Variants in FOXN3 observed in about 807,000 individuals in gnomAD.
The protein encoded by FOXN3 is forkhead box N3.
FOXN3 carries 7 observed loss-of-function variants against 38.4 expected under a neutral mutation model. The observed-to-expected ratio is 0.18, with a 90% CI of 0.10 to 0.34. FOXN3 has a LOEUF of 0.34. FOXN3 is among the 10% of genes least tolerant of loss of function. FOXN3 has a pLI of 1.00. For missense variants in FOXN3, 456 were observed against 613.4 expected, an observed-to-expected ratio of 0.74 and a Z score of 2.71; for synonymous variants, 230 against 242.2, an observed-to-expected ratio of 0.95 and a Z score of 0.47.
At chr14:89,309,936 C>T (rs1343644442) in intron 3 of FOXN3, among the ~76,000 whole-genome samples, 1 of 152,234 alleles carries the variant, frequency 6.6e-6, no homozygotes, top group Non-Finnish European at 1.5e-5. Flanking sequence ...TCTCTAAAAA[C>T]AGGTCTGTAT....
intron 3 of FOXN3, among the ~76,000 whole-genome samples, chr14:89,284,187 A>AT (rs1403029707): frequency 6.6e-6 from 1 of 151,216 alleles, no homozygotes; most frequent in Non-Finnish European, 1.5e-5. Context: ...TTTTTTTTTA[A>AT]TTTTTTTAAA....
At chr14:89,204,052 TACACACACACAC>T (rs10559428) in intron 4 of FOXN3, among the ~76,000 whole-genome samples, 15,635 of 133,696 alleles carry the variant, frequency 0.12, 929 homozygotes, top group Middle Eastern at 0.17. Flanking sequence ...CATACTCCCT[TACACACACACAC>T]ACACACACAC....
chr14:89,277,745 A>T (rs939859193), intron 4 of FOXN3, among the ~76,000 whole-genome samples: 1 of 152,180 alleles, frequency 6.6e-6, no homozygotes, highest in Non-Finnish European at 1.5e-5. Flanking sequence ...CCCCGCTCTA[A>T]CTATTAGGTC....
chr14:89,580,953 T>C (rs1017655194), intron 1 of FOXN3, among the ~76,000 whole-genome samples: 1 of 151,314 alleles, frequency 6.6e-6, no homozygotes, highest in African/African-American at 2.4e-5. Context: ...GAGGCCGAGG[T>C]AGGAGGATCA....
intron 1 of FOXN3, among the ~76,000 whole-genome samples, chr14:89,590,909 C>G (rs1202483770): frequency 6.6e-6 from 1 of 152,164 alleles, no homozygotes; most frequent in African/African-American, 2.4e-5. Context: ...CTCAGAGAGG[C>G]CAGGAAGAAT....
At chr14:89,192,561 C>T (rs994324402) in intron 4 of FOXN3, among the ~76,000 whole-genome samples, 2 of 137,642 alleles carry the variant, frequency 1.5e-5, no homozygotes, top group African/African-American at 5.2e-5. Flanking sequence ...ATGAATTATA[C>T]AATATATAAC....
chr14:89,313,298 G>C (rs1887619878), intron 3 of FOXN3, among the ~76,000 whole-genome samples: 1 of 152,340 alleles, frequency 6.6e-6, no homozygotes, highest in Non-Finnish European at 1.5e-5. Context: ...GGGCGCAGCG[G>C]CTCACACCTG....
rs866265964 is a variant in FOXN3 at position 89,364,045 on chromosome 14, G to T, written c.544-13237C>A. Among the ~76,000 whole-genome samples the T allele has an allele frequency of 2.9e-4, 41 of 143,346 alleles. No homozygotes were observed. In the Middle Eastern group the frequency reaches 0.018, roughly 63 times the overall value. 94.0% of individuals were successfully genotyped at this position (143,346 alleles called of 152,430 possible). A position where few individuals can be genotyped will look rare whatever the true frequency, so the allele number is the denominator to read the frequency against. On this transcript the variant is annotated intron_variant, in intron 2 of 5. Coordinates refer to ENST00000557258, the MANE Select transcript of FOXN3 (RefSeq NM_005197.4). The stretch of plus-strand genomic sequence containing the variant: ...TTTAGCAAGTGACTGATTCCTGAAG[G>T]CCCTTCATTTTCTAAAATTCTATCA...
At chr14:89,405,870 G>C (rs1207591064) in intron 2 of FOXN3, among the ~76,000 whole-genome samples, 2 of 152,152 alleles carry the variant, frequency 1.3e-5, no homozygotes, top group African/African-American at 4.8e-5. Flanking sequence ...GCCTAGGCAA[G>C]CACCAGGGGT....
chr14:89,446,087 CAAAAAAAAAAAA>C lies in FOXN3; in HGVS notation c.-14-33609_-14-33598del, dbSNP rs576883864. On this transcript the variant is annotated intron_variant, in intron 1 of 6. Transcript: ENST00000345097. ...TGGGTAACAGAGCGAGACCCTGCCT[CAAAAAAAAAAAA>C]AAAAAAAAAAAATTTTAAGGAAGAG... Among the ~76,000 whole-genome samples, 267 of 40,124 alleles carry C rather than the reference CAAAAAAAAAAAA, an allele frequency of 6.7e-3. 11 individuals are homozygous for C. Among genetic ancestry groups the C allele is most frequent in the African/African-American group, 0.022 (254 of 11,766 alleles). 26.3% of individuals were successfully genotyped at this position (40,124 alleles called of 152,430 possible).
chr14:89,603,866 C>A (rs547434684), intron 1 of FOXN3, among the ~76,000 whole-genome samples: 3 of 152,206 alleles, frequency 2.0e-5, no homozygotes, highest in African/African-American at 7.2e-5. Flanking sequence ...GTGACATTTA[C>A]AAAGGCCCAC....
intron 1 of FOXN3, among the ~76,000 whole-genome samples, chr14:89,587,398 C>G (rs1895860935): frequency 6.6e-6 from 1 of 152,194 alleles, no homozygotes; most frequent in Non-Finnish European, 1.5e-5. Flanking sequence ...TTTGCAAATT[C>G]AAATGCCCAC....
intron 1 of FOXN3, among the ~76,000 whole-genome samples, chr14:89,413,249 G>A (rs574887333): frequency 2.6e-5 from 4 of 152,122 alleles, no homozygotes; most frequent in Non-Finnish European, 4.4e-5. Flanking sequence ...CCCACTCTCC[G>A]TAGCGCTAAA....
chr14:89,230,329 G>A (rs936190179), intron 4 of FOXN3, among the ~76,000 whole-genome samples: 40 of 152,144 alleles, frequency 2.6e-4, no homozygotes, highest in African/African-American at 9.2e-4. Context: ...ACTTCACTCT[G>A]TTTCTTTTCC....
intron 1 of FOXN3, among the ~76,000 whole-genome samples, chr14:89,550,154 C>A (rs1177812839): frequency 6.6e-6 from 1 of 152,148 alleles, no homozygotes; most frequent in African/African-American, 2.4e-5. Flanking sequence ...GAGCTCCAAA[C>A]ACCATGCTAT....
At chr14:89,448,946 A>G (rs774554943) in intron 1 of FOXN3, among the ~76,000 whole-genome samples, 2 of 47,424 alleles carry the variant, frequency 4.2e-5, no homozygotes, top group Admixed American at 2.6e-4. Context: ...CACTGTCTCA[A>G]AAAAAAAAAA....
chr14:89,494,885 A>G (rs2139779166), intron 1 of FOXN3, among the ~76,000 whole-genome samples: 1 of 152,352 alleles, frequency 6.6e-6, no homozygotes, highest in Middle Eastern at 3.4e-3. Flanking sequence ...ATCTGCCATT[A>G]TTCAGAAAGG....
At chr14:89,513,945 C>CGCAT (rs1224373281) in intron 1 of FOXN3, among the ~76,000 whole-genome samples, 1 of 152,002 alleles carries the variant, frequency 6.6e-6, no homozygotes, top group African/African-American at 2.4e-5. Context: ...CACACACGCA[C>CGCAT]GCACACACGC....
intron 1 of FOXN3, among the ~76,000 whole-genome samples, chr14:89,504,584 G>A (rs1893871363): frequency 6.6e-6 from 1 of 152,134 alleles, no homozygotes; most frequent in Admixed American, 6.5e-5. Context: ...AGCCCTGCAG[G>A]AGGAAAGTGT....
Sources: allele counts gnomAD v4.1 joint callset (sites outside exome capture counted in the v4.1 genomes callset), GRCh38; gene constraint gnomAD v4.1.1; transcripts MANE v1.5; gene names NCBI Gene and HGNC (gene_info 2026-07-23, HGNC 2026-07-21).